The following PSMD11 variants were observed in gnomAD, a reference collection of about 807,000 sequenced individuals.
PSMD11 encodes the protein 26S proteasome non-ATPase regulatory subunit 11.
PSMD11 carries 5 observed loss-of-function variants against 62.3 expected under a neutral mutation model. That is an observed-to-expected ratio of 0.08 (90% CI 0.04 to 0.17). The LOEUF is 0.17. PSMD11 is among the 10% of genes least tolerant of loss of function. The pLI is 1.00. For synonymous variants in PSMD11, 191 were observed against 191.8 expected (o/e 1.00, Z 0.03); for missense variants, 310 against 512.9 (o/e 0.60, Z 3.82).
intron 1 of PSMD11, 36 bp from the exon 2 acceptor site, chr17:32,446,909 C>T: frequency 6.8e-7 from 1 of 1,475,036 alleles, no homozygotes. Flanking sequence ...ATTTTTTGGT[C>T]AGAATTTTAA....
intron 3 of PSMD11, among the ~76,000 whole-genome samples, chr17:32,455,227 G>A (rs1002451463): frequency 1.3e-5 from 2 of 152,214 alleles, no homozygotes; most frequent in African/African-American, 4.8e-5. Context: ...TCTGTAAAAA[G>A]TGGCAGATTG....
chr17:32,461,914 G>A (rs934856369), intron 3 of PSMD11, among the ~76,000 whole-genome samples: 22 of 152,196 alleles, frequency 1.4e-4, no homozygotes, highest in African/African-American at 4.8e-4. Context: ...GTAGCCACCA[G>A]GGGGCTCCAA....
At chr17:32,476,220 T>TAGC (rs1315807758) in intron 8 of PSMD11, among the ~76,000 whole-genome samples, 1 of 152,064 alleles carries the variant, frequency 6.6e-6, no homozygotes, top group Non-Finnish European at 1.5e-5. Flanking sequence ...TAAGCCAAGA[T>TAGC]AGCACCACTG....
Position 32,474,655 on chromosome 17 carries a change from T to C in PSMD11, c.789-109T>C, listed in dbSNP as rs1395427689. Reference sequence around the variant, plus strand: ...TTAGGGGTTGGGCTGATTGTCTGTGTGGGCAGAGTCTTTATTACAATGGAA... The same window carrying C: ...TTAGGGGTTGGGCTGATTGTCTGTGCGGGCAGAGTCTTTATTACAATGGAA... On this transcript the variant is annotated intron_variant, in intron 7 of 13. Coordinates refer to ENST00000261712, the MANE Select transcript of PSMD11 (RefSeq NM_002815.4). 5.6e-6 allele frequency: 6 copies of C among 1,078,102 alleles called. No homozygotes were observed. In the Admixed American group the frequency reaches 8.7e-5, roughly 16 times the overall value. The allele number at this position is 1,078,102 out of a possible 1,614,324, so 66.8% of individuals were successfully genotyped here.
chr17:32,449,544 T>C (rs1907429693), intron 2 of PSMD11, among the ~76,000 whole-genome samples: 1 of 152,230 alleles, frequency 6.6e-6, no homozygotes. Flanking sequence ...GAAATTCCTA[T>C]TTTATATGTA....
At chr17:32,463,527 TA>T (rs138793371) in intron 3 of PSMD11, 19,437 of 156,710 alleles carry the variant, frequency 0.12, 1,317 homozygotes, top group Middle Eastern at 0.16. Flanking sequence ...CTGTTTGCTT[TA>T]AGAGTGATGA....
chr17:32,474,669 A>T lies in PSMD11; in HGVS notation c.789-95A>T, dbSNP rs188412566. 123 of 1,219,188 alleles carry T rather than the reference A, an allele frequency of 1.0e-4. No homozygotes were observed. The East Asian group carries it at 2.5e-3, about 25-fold the overall frequency. 75.5% of individuals were successfully genotyped at this position (1,219,188 alleles called of 1,614,324 possible). ...GATTGTCTGTGTGGGCAGAGTCTTT[A>T]TTACAATGGAATTCTGTTAAAAAGA... On this transcript the variant is annotated intron_variant, in intron 7 of 13. Coordinates refer to ENST00000261712, the MANE Select transcript of PSMD11 (RefSeq NM_002815.4).
intron 2 of PSMD11, among the ~76,000 whole-genome samples, chr17:32,453,260 A>G (rs1307188603): frequency 6.6e-6 from 1 of 152,208 alleles, no homozygotes; most frequent in Non-Finnish European, 1.5e-5. Context: ...TTACATGGGA[A>G]ACTCAATAGG....
chr17:32,457,330 T>C (rs1412822086), intron 3 of PSMD11, among the ~76,000 whole-genome samples: 1 of 152,190 alleles, frequency 6.6e-6, no homozygotes, highest in East Asian at 1.9e-4. Flanking sequence ...CTCAACCTCC[T>C]GGAGTCAAGT....
chr17:32,479,418 C>T, intron 10 of PSMD11, 42 bp downstream of exon 10: 6 of 1,605,756 alleles, frequency 3.7e-6, no homozygotes, highest in Non-Finnish European at 5.1e-6. Flanking sequence ...CAGGCATTCT[C>T]ACTGTAGCCA....
intron 2 of PSMD11, among the ~76,000 whole-genome samples, chr17:32,453,010 G>T (rs1907552756): frequency 6.6e-6 from 1 of 152,218 alleles, no homozygotes; most frequent in Non-Finnish European, 1.5e-5. Context: ...CCATGTGAAA[G>T]AAGGTATAGA....
chr17:32,454,338 T>C (rs1338085660), intron 2 of PSMD11, among the ~76,000 whole-genome samples, 157 bp from the exon 3 acceptor site: 2 of 152,268 alleles, frequency 1.3e-5, no homozygotes, highest in South Asian at 4.1e-4. Flanking sequence ...GCTATTCTGC[T>C]ATTTGCTAGG....
At chr17:32,473,739 G>A (rs1199637310) in intron 6 of PSMD11, 62 bp from the exon 7 acceptor site, 4 of 1,573,190 alleles carry the variant, frequency 2.5e-6, no homozygotes, top group Non-Finnish European at 3.5e-6. Flanking sequence ...CTGCCTCCCA[G>A]CTCTGATCTT....
chr17:32,472,259 G>C (rs537084617), intron 6 of PSMD11, among the ~76,000 whole-genome samples: 15 of 149,680 alleles, frequency 1.0e-4, no homozygotes, highest in African/African-American at 3.7e-4. Flanking sequence ...GTCTTGCTCT[G>C]TTGCCCAGGC....
chr17:32,455,841 T>C (rs1315784246), intron 3 of PSMD11, among the ~76,000 whole-genome samples: 2 of 152,080 alleles, frequency 1.3e-5, no homozygotes, highest in African/African-American at 4.8e-5. Context: ...TTTTAAAAAT[T>C]GTACTTTAAA....
chr17:32,465,618 GTA>G (rs752161266), intron 5 of PSMD11, among the ~76,000 whole-genome samples: 1 of 152,154 alleles, frequency 6.6e-6, no homozygotes, highest in Non-Finnish European at 1.5e-5. Flanking sequence ...CTTTTAAAGT[GTA>G]TAATCCAGTG....
intron 5 of PSMD11, among the ~76,000 whole-genome samples, chr17:32,468,428 C>T (rs1567856378): frequency 6.6e-6 from 1 of 151,600 alleles, no homozygotes; most frequent in Non-Finnish European, 1.5e-5. Context: ...GGATTTATTT[C>T]TGTTTTCTTC....
At chr17:32,465,849 C>T (rs1323119980) in intron 5 of PSMD11, among the ~76,000 whole-genome samples, 1 of 152,120 alleles carries the variant, frequency 6.6e-6, no homozygotes, top group Non-Finnish European at 1.5e-5. Context: ...GTGGTGCACA[C>T]CTGTAATCCC....
In PSMD11 at chr17:32,473,019, G is replaced by A. The variant is rs531909466; in HGVS notation, c.644-782G>A. Among the ~76,000 whole-genome samples the A allele has an allele frequency of 6.0e-5, 9 of 151,182 alleles. No homozygotes were observed. The South Asian group carries it at 8.4e-4, about 14-fold the overall frequency. On this transcript the variant is annotated intron_variant, in intron 6 of 13. Transcript: ENST00000261712. ...TAAAAATACAAAAAATTAGCCGGGC[G>A]TGGTAGTGGGTGCCTGTAATCCCAG...
Sources: gnomAD v4.1 joint callset for allele counts (sites outside exome capture counted in the v4.1 genomes callset) on GRCh38, gnomAD v4.1.1 for gene constraint, MANE v1.5 for transcripts, NCBI Gene and HGNC (gene_info 2026-07-23, HGNC 2026-07-21) for gene names.